ANO1: variants seen among roughly 807,000 people sequenced by gnomAD.
ANO1 encodes the protein anoctamin 1.
In ANO1, 59 loss-of-function variants were observed where a neutral mutation model predicts 124.0. The ratio of observed to expected loss-of-function variants is 0.48; its 90% CI spans 0.39 to 0.59. The LOEUF is 0.59. Among genes scored for constraint, ANO1 ranks in the 20% least tolerant of loss-of-function variants. The pLI is 0.00. For missense variants in ANO1, 1,059 were observed against 1,328.0 expected (o/e 0.80, Z 3.15); for synonymous variants, 529 against 532.0 (o/e 0.99, Z 0.08).
At chr11:70,146,514 G>A (rs1018865877) in intron 11 of ANO1, among the ~76,000 whole-genome samples, 3 of 152,124 alleles carry the variant, frequency 2.0e-5, no homozygotes, top group Non-Finnish European at 4.4e-5. Context: ...GACAGGGAAG[G>A]TGCGTGAGTC....
intron 2 of ANO1, among the ~76,000 whole-genome samples, chr11:70,095,422 G>GAAAGA (rs201783692): frequency 6.0e-5 from 3 of 49,702 alleles, no homozygotes; most frequent in East Asian, 5.6e-4. Context: ...AAGAAAGAAA[G>GAAAGA]AAAGAAAAGA....
At chr11:70,102,132 C>T (rs116343941) in intron 2 of ANO1, among the ~76,000 whole-genome samples, 2 of 152,322 alleles carry the variant, frequency 1.3e-5, no homozygotes, top group Admixed American at 6.5e-5. Flanking sequence ...AAGCTAGAGA[C>T]GCTGGGGCCA....
chr11:70,158,701 T>C (rs934423447), intron 16 of ANO1, among the ~76,000 whole-genome samples: 1 of 152,196 alleles, frequency 6.6e-6, no homozygotes, highest in Non-Finnish European at 1.5e-5. Flanking sequence ...GACCAAGTCA[T>C]GGAAGAAGTG....
intron 11 of ANO1, chr11:70,141,618 G>A (rs2047156998): frequency 6.6e-6 from 1 of 152,252 alleles, no homozygotes; most frequent in Admixed American, 6.5e-5. Flanking sequence ...GGAGCAACAG[G>A]AAAGAACCTA....
At chr11:70,146,203 T>C (rs1017372767) in intron 11 of ANO1, among the ~76,000 whole-genome samples, 3 of 152,228 alleles carry the variant, frequency 2.0e-5, no homozygotes, top group African/African-American at 7.2e-5. Context: ...TCAAATCCAA[T>C]GGCTGCTGCT....
chr11:70,185,686 C>A lies in ANO1; in HGVS notation c.2685C>A (p.Ile895=). Residue 895 remains isoleucine, a synonymous_variant, in exon 25 of 26, where the codon ATC becomes ATA. Coordinates refer to ENST00000355303, the MANE Select transcript of ANO1 (RefSeq NM_018043.7). ...TGGCAGCCCGGCTGGCGTTTGTCAT[C>A]GTCTTCCAGGTGCGGTGGGTCCCTC... The part of the protein sequence containing the change: ...AVLAARLAFV[I]VFQNLVMFMS... 2 of 1,613,842 alleles carry A rather than the reference C, an allele frequency of 1.2e-6. No individual in the cohort carries two copies. The highest frequency in any genetic ancestry group is 1.7e-6 in the Non-Finnish European group (2 of 1,179,734).
chr11:70,042,919 C>G (rs1555005226), intron 1 of ANO1, among the ~76,000 whole-genome samples: 1 of 152,146 alleles, frequency 6.6e-6, no homozygotes, highest in East Asian at 1.9e-4. Flanking sequence ...GCAACAAAAT[C>G]TAGCACTCAA....
At position 70,014,278 on chromosome 11, in the gene ANO1, C is replaced by T. The variant is rs1240631601; in HGVS notation, c.58+28112C>T. Among the ~76,000 whole-genome samples the T allele has an allele frequency of 8.2e-5, 10 of 121,586 alleles. No homozygotes were observed. The East Asian group carries it at 1.9e-3, about 23-fold the overall frequency. 79.8% of individuals were successfully genotyped at this position (121,586 alleles called of 152,430 possible). On this transcript the variant is annotated intron_variant, in intron 1 of 27. Coordinates refer to the ANO1 transcript ENST00000531349. ...AAAGATTGCAACCCCCCCACCCCCC[C>T]ACCAAGGACAACGTGCAGGAGCTCT...
At chr11:70,159,544 T>G (rs1444566574) in intron 16 of ANO1, among the ~76,000 whole-genome samples, 1 of 152,234 alleles carries the variant, frequency 6.6e-6, no homozygotes, top group Non-Finnish European at 1.5e-5. Flanking sequence ...GGGAGTTTCA[T>G]TCAGCGAACA....
chr11:70,010,550 G>T (rs1042396672), intron 1 of ANO1, among the ~76,000 whole-genome samples: 3 of 152,064 alleles, frequency 2.0e-5, no homozygotes, highest in Admixed American at 2.0e-4. Flanking sequence ...CCATAGCAAG[G>T]CCTGAGGGCT....
intron 2 of ANO1, among the ~76,000 whole-genome samples, chr11:70,089,863 A>G (rs923126535): frequency 2.6e-5 from 4 of 152,238 alleles, no homozygotes; most frequent in African/African-American, 9.6e-5. Context: ...CAGCATGTCA[A>G]CTTAGAACTG....
chr11:70,182,700 C>G lies in ANO1; in HGVS notation c.2588+14C>G. ...GCAGATCTGCAGGTACTGCTCTCTG[C>G]TCCCCTCTTTGAAAAGCCACGTTTA... On this transcript the variant is annotated intron_variant, in intron 24 of 25. Transcript: ENST00000355303. The G allele has an allele frequency of 6.6e-7, 1 of 1,511,016 alleles. No homozygotes were observed. Among genetic ancestry groups the G allele is most frequent in the Non-Finnish European group, 8.9e-7 (1 of 1,128,826 alleles). The allele number at this position is 1,511,016 out of a possible 1,614,324, so 93.6% of individuals were successfully genotyped here.
chr11:70,177,532 A>T (rs2048751815), intron 22 of ANO1, among the ~76,000 whole-genome samples: 1 of 149,834 alleles, frequency 6.7e-6, no homozygotes, highest in Non-Finnish European at 1.5e-5. Flanking sequence ...GTTGCCAAGG[A>T]GACGCACCAG....
rs555686796 is a variant in ANO1, at chr11:69,994,813, T to A, written c.58+8647T>A. 8.5e-5 allele frequency among the ~76,000 whole-genome samples: 13 copies of A among 152,264 alleles called. No homozygotes were observed. The South Asian group carries it at 2.7e-3, about 32-fold the overall frequency. Reference sequence around the variant, plus strand: ...TACATAATGACACAAGTGGTGTGAGTTCAGACTGCTTTTCACAATCTCTTC... The same window carrying A: ...TACATAATGACACAAGTGGTGTGAGATCAGACTGCTTTTCACAATCTCTTC... On this transcript the variant is annotated intron_variant, in intron 1 of 27. Transcript: ENST00000531349.
At chr11:70,117,100 CTTTTT>C (rs756764991) in intron 8 of ANO1, among the ~76,000 whole-genome samples, 1 of 61,528 alleles carries the variant, frequency 1.6e-5, no homozygotes, top group Non-Finnish European at 3.2e-5. Context: ...TTGTTTCTTT[CTTTTT>C]TTTTTTTTTT....
chr11:70,034,767 C>T (rs1857065346), intron 1 of ANO1, among the ~76,000 whole-genome samples: 1 of 152,144 alleles, frequency 6.6e-6, no homozygotes, highest in African/African-American at 2.4e-5. Flanking sequence ...CAAGGTTCTG[C>T]ACAAGTGATA....
At chr11:70,083,388 G>A (rs529947999) in intron 1 of ANO1, among the ~76,000 whole-genome samples, 66 of 152,246 alleles carry the variant, frequency 4.3e-4, no homozygotes, top group African/African-American at 1.5e-3. Context: ...CAGAGCTGGT[G>A]TTTGAACACA....
chr11:70,006,633 TTTTCTTTCTTC>T (rs1438423301), intron 1 of ANO1, among the ~76,000 whole-genome samples: 3 of 150,388 alleles, frequency 2.0e-5, no homozygotes, highest in Admixed American at 6.6e-5. Context: ...TTCTTCTTTC[TTTTCTTTCTTC>T]TTTCTTTCTT....
chr11:70,103,018 A>C, intron 2 of ANO1, 48 bp from the exon 3 acceptor site: 5 of 1,320,636 alleles, frequency 3.8e-6, no homozygotes, highest in Non-Finnish European at 5.2e-6. Context: ...GGTTTTCCAC[A>C]GAGATGCACC....
Sources: allele counts gnomAD v4.1 joint callset (sites outside exome capture counted in the v4.1 genomes callset), GRCh38; gene constraint gnomAD v4.1.1; transcripts MANE v1.5; gene names NCBI Gene and HGNC (gene_info 2026-07-23, HGNC 2026-07-21).